USH2A: variants seen among roughly 807,000 people sequenced by gnomAD.
USH2A encodes usherin.
A neutral mutation model predicts 538.9 loss-of-function variants in USH2A; 443 were observed. The observed-to-expected ratio is 0.82, with a 90% CI of 0.76 to 0.89. The LOEUF (loss-of-function observed/expected upper bound fraction) is 0.89, where lower values mean the gene tolerates loss of function less well. Ranked by LOEUF, USH2A falls within the 40% of genes least tolerant of loss-of-function variation. The pLI is 0.00. For synonymous variants in USH2A, 2,413 were observed against 2,273.5 expected, an observed-to-expected ratio of 1.06 and a Z score of -1.75; for missense variants, 6,633 against 6,324.8, an observed-to-expected ratio of 1.05 and a Z score of -1.65.
intron 37 of USH2A, among the ~76,000 whole-genome samples, chr1:215,957,805 G>T (rs979277049): frequency 6.6e-6 from 1 of 152,092 alleles, no homozygotes; most frequent in Non-Finnish European, 1.5e-5. Flanking sequence ...TTGAAAAGAA[G>T]CTGCCTCTTT....
At chr1:215,652,548 A>G (rs182270768) in intron 64 of USH2A, among the ~76,000 whole-genome samples, 1 of 152,212 alleles carries the variant, frequency 6.6e-6, no homozygotes, top group Admixed American at 6.5e-5. Context: ...ATCAGAATAC[A>G]ACTGCAGCTG....
chr1:216,098,778 GGT>G (rs1278378201), intron 21 of USH2A, among the ~76,000 whole-genome samples: 2 of 151,086 alleles, frequency 1.3e-5, no homozygotes, highest in East Asian at 3.9e-4. Context: ...TGTGATAAAT[GGT>G]ATAGGGATGT....
At chr1:216,202,170 G>T (rs1236444296) in intron 16 of USH2A, among the ~76,000 whole-genome samples, 2 of 152,146 alleles carry the variant, frequency 1.3e-5, no homozygotes, top group Non-Finnish European at 2.9e-5. Context: ...TTTCAGTGCT[G>T]AATATTCCAA....
At position 215,965,479 on chromosome 1, in the gene USH2A, C is replaced by T. The variant is rs770541077; in HGVS notation, c.6958G>A (p.Val2320Met). ...GGAGCTTCTAGAGTTCGATTTTCCACCTGTGAGTATAAAAAGATTTATTTT... is the reference window on the plus strand; with the variant it reads ...GGAGCTTCTAGAGTTCGATTTTCCATCTGTGAGTATAAAAAGATTTATTTT... ...TAKGCALGPL[V>M]ENRTLEAPPE... The change falls in exon 37 of 72, where the codon GTG becomes ATG. Residue 2320 changes from valine (V) to methionine (M), a missense_variant and splice_region_variant. By Grantham distance (21) the Val-to-Met change is conservative. Coordinates refer to ENST00000307340, the MANE Select transcript of USH2A (RefSeq NM_206933.4). The T allele has an allele frequency of 1.9e-6, 3 of 1,613,432 alleles. No homozygotes were observed. The highest frequency in any genetic ancestry group is 1.7e-5 in the Admixed American group (1 of 59,930).
intron 19 of USH2A, among the ~76,000 whole-genome samples, chr1:216,195,581 G>A (rs950918936): frequency 1.3e-5 from 2 of 151,946 alleles, no homozygotes; most frequent in African/African-American, 4.8e-5. Flanking sequence ...AAGGTAAAAT[G>A]TACCTGGACA....
At chr1:216,216,567 C>T (rs1403249956) in intron 15 of USH2A, among the ~76,000 whole-genome samples, 2 of 151,982 alleles carry the variant, frequency 1.3e-5, no homozygotes, top group Non-Finnish European at 2.9e-5. Flanking sequence ...ATGCATAGCA[C>T]AATATGTTGT....
At chr1:215,683,205 G>T (rs1281654821) in intron 61 of USH2A, among the ~76,000 whole-genome samples, 1 of 149,088 alleles carries the variant, frequency 6.7e-6, no homozygotes, top group South Asian at 2.1e-4. Flanking sequence ...TGTTATTCCT[G>T]AATAGTTTTA....
At chr1:216,049,655 C>G (rs2030672166) in intron 30 of USH2A, among the ~76,000 whole-genome samples, 1 of 152,136 alleles carries the variant, frequency 6.6e-6, no homozygotes, top group Admixed American at 6.5e-5. Context: ...ATTTTGATGA[C>G]AGCTTTCATC....
At chr1:216,164,786 A>G (rs1182697570) in intron 21 of USH2A, among the ~76,000 whole-genome samples, 1 of 152,170 alleles carries the variant, frequency 6.6e-6, no homozygotes, top group Non-Finnish European at 1.5e-5. Flanking sequence ...AAATATATGT[A>G]TGCAATGGAA....
chr1:215,719,654 G>T (rs974019977), intron 61 of USH2A, among the ~76,000 whole-genome samples: 6 of 152,110 alleles, frequency 3.9e-5, no homozygotes, highest in African/African-American at 1.2e-4. Flanking sequence ...ACTGCTAAAG[G>T]TTTATAGTCT....
At chr1:215,682,547 G>A (rs935709952) in intron 61 of USH2A, among the ~76,000 whole-genome samples, 5 of 151,988 alleles carry the variant, frequency 3.3e-5, no homozygotes, top group South Asian at 2.1e-4. Context: ...TTATAGATTC[G>A]TTTAATAAAC....
At chr1:216,175,549 A>G in intron 20 of USH2A, 67 bp from the exon 21 acceptor site, 3 of 1,360,240 alleles carry the variant, frequency 2.2e-6, no homozygotes, top group Admixed American at 3.4e-5. Flanking sequence ...ACATATTCAC[A>G]TATACGTATA....
intron 38 of USH2A, among the ~76,000 whole-genome samples, chr1:215,904,862 A>G (rs552378001): frequency 6.6e-6 from 1 of 152,134 alleles, no homozygotes; most frequent in East Asian, 1.9e-4. Flanking sequence ...CAAAACATTA[A>G]GCAATAAATT....
intron 55 of USH2A, among the ~76,000 whole-genome samples, chr1:215,769,480 G>A (rs1661219993): frequency 6.6e-6 from 1 of 152,192 alleles, no homozygotes; most frequent in Non-Finnish European, 1.5e-5. Flanking sequence ...AAGCCTTTCT[G>A]CTGCAAGTTG....
chr1:215,830,924 G>GA (rs1445236664), intron 47 of USH2A, among the ~76,000 whole-genome samples: 1 of 152,100 alleles, frequency 6.6e-6, no homozygotes, highest in Non-Finnish European at 1.5e-5. Context: ...GTAACCTGCT[G>GA]AAAAAAGTAA....
intron 14 of USH2A, among the ~76,000 whole-genome samples, chr1:216,225,893 C>T (rs2035551021): frequency 1.3e-5 from 2 of 152,070 alleles, no homozygotes; most frequent in Admixed American, 1.3e-4. Flanking sequence ...CAGCTGGCTA[C>T]AGGCCTAGAG....
Position 215,878,931 on chromosome 1 carries a change from T to A in USH2A, c.8391A>T (p.Ser2797=). The part of the protein sequence containing the change: ...TNYSVTIVAC[S]GGNGYLGGCT... The stretch of plus-strand genomic sequence containing the variant: ...ACCCTCCAAGGTACCCATTACCCCC[T>A]GAGCAAGCAACAATGGTGACAGAAT... The change falls in exon 42 of 72, where the codon TCA becomes TCT. Residue 2797 remains serine, a synonymous_variant. Transcript: ENST00000307340. 6.2e-7 allele frequency: 1 copy of A among 1,614,088 alleles called. No individual in the cohort carries two copies. The highest frequency in any genetic ancestry group is 1.1e-5 in the South Asian group (1 of 91,080).
chr1:215,869,034 T>G (rs1664556435), intron 43 of USH2A, among the ~76,000 whole-genome samples: 1 of 152,262 alleles, frequency 6.6e-6, no homozygotes, highest in Non-Finnish European at 1.5e-5. Context: ...AAGTGCTGAA[T>G]AGTCCACATA....
At chr1:215,834,924 C>T (rs1359396827) in intron 47 of USH2A, among the ~76,000 whole-genome samples, 1 of 151,544 alleles carries the variant, frequency 6.6e-6, no homozygotes, top group Non-Finnish European at 1.5e-5. Flanking sequence ...AGAGACATTC[C>T]CTTGAACTTT....
Sources: allele counts gnomAD v4.1 joint callset (sites outside exome capture counted in the v4.1 genomes callset), GRCh38; gene constraint gnomAD v4.1.1; transcripts MANE v1.5; gene names NCBI Gene and HGNC (gene_info 2026-07-23, HGNC 2026-07-21).